Variants in SRRM2 observed in about 807,000 individuals in gnomAD.
SRRM2 encodes serine/arginine repetitive matrix 2.
Under a neutral mutation model 213.8 loss-of-function variants are expected in SRRM2, and 30 were observed. The ratio of observed to expected loss-of-function variants is 0.14; its 90% confidence interval spans 0.10 to 0.19. The LOEUF is 0.19. Ranked by LOEUF, SRRM2 falls within the 10% of genes least tolerant of loss-of-function variation. SRRM2 has a pLI of 1.00. For synonymous variants in SRRM2, 2,025 were observed against 1,377.7 expected, an observed-to-expected ratio of 1.47 and a Z score of -10.40; for missense variants, 4,904 against 3,647.0, an observed-to-expected ratio of 1.34 and a Z score of -8.88.
At position 2,760,429 on chromosome 16, in the gene SRRM2, C is replaced by G. The variant is rs1010269160; in HGVS notation, c.962C>G (p.Pro321Arg). ...SEPGTTSTQRPSSPETATKQP... is the reference protein window; with the variant it reads ...SEPGTTSTQRRSSPETATKQP... ...CCAGGTACTACCAGCACACAACGGC[C>G]TAGTAGCCCGGAGACTGCTACGAAA... The change falls in exon 10 of 15, where the codon CCT becomes CGT. Residue 321 changes from proline to arginine, a missense_variant. By Grantham distance (103) the Pro-to-Arg change is moderately radical. Transcript: ENST00000301740. 8 of 1,614,130 alleles carry G rather than the reference C, an allele frequency of 5.0e-6. No homozygotes were observed. The highest frequency in any genetic ancestry group is 6.8e-6 in the Non-Finnish European group (8 of 1,180,036).
chr16:2,763,376 A>C lies in SRRM2; in HGVS notation c.2848A>C (p.Ser950Arg). 6.2e-7 allele frequency: 1 copy of C among 1,614,228 alleles called. No individual in the cohort carries two copies. The highest frequency in any genetic ancestry group is 8.5e-7 in the Non-Finnish European group (1 of 1,180,040). The change falls in exon 11 of 15, where the codon AGC becomes CGC. Residue 950 changes from serine (S) to arginine (R), a missense_variant. Transcript: ENST00000301740. The part of the protein sequence containing the change: ...RVTSRTTPRR[S>R]RSVSPCSNVE... Reference sequence around the variant, plus strand: ...GACGTCGAGAACAACTCCACGGCGAAGCAGATCAGTATCTCCCTGCTCCAA... The same window carrying C: ...GACGTCGAGAACAACTCCACGGCGACGCAGATCAGTATCTCCCTGCTCCAA...
intron 1 of SRRM2, among the ~76,000 whole-genome samples, chr16:2,755,044 T>C (rs1365570271): frequency 6.6e-6 from 1 of 152,256 alleles, no homozygotes; most frequent in Non-Finnish European, 1.5e-5. Context: ...ACATCTTTGA[T>C]TACTCTCTCC....
chr16:2,753,498 G>A (rs1001454949), intron 1 of SRRM2: 7 of 152,220 alleles, frequency 4.6e-5, no homozygotes, highest in African/African-American at 1.7e-4. Flanking sequence ...TGAAGAAAGT[G>A]AACGTGTTCA....
In SRRM2 at chr16:2,761,928, C is replaced by T. The variant is rs144927974; in HGVS notation, c.1400C>T (p.Ala467Val). ...TCTAAGAATCGCTCACATGGCCGAG[C>T]AAAACGGGATAAATCACATTCTCAT... ...PTSKNRSHGR[A>V]KRDKSHSHTP... The change falls in exon 11 of 15, where the codon GCA becomes GTA. Residue 467 changes from alanine to valine, a missense_variant. Coordinates refer to ENST00000301740, the MANE Select transcript of SRRM2 (RefSeq NM_016333.4). The T allele has an allele frequency of 1.2e-6, 2 of 1,614,014 alleles. No individual in the cohort carries two copies. Among genetic ancestry groups the T allele is most frequent in the African/African-American group, 2.7e-5 (2 of 74,996 alleles).
Position 2,766,378 on chromosome 16 carries a change from T to C in SRRM2, c.5850T>C (p.Thr1950=), listed in dbSNP as rs1474527417. 1.2e-6 allele frequency: 2 copies of C among 1,612,608 alleles called. No individual in the cohort carries two copies. The highest frequency in any genetic ancestry group is 1.3e-5 in the African/African-American group (1 of 74,364). The part of the protein sequence containing the change: ...PTTRRRSRSR[T]PPVTRRRSRS... ...CACGCCGCCGCTCCCGTTCTAGAAC[T>C]CCACCAGTGACTCGCAGAAGGTCCA... Residue 1950 remains threonine (T), a synonymous_variant, in exon 11 of 15, where the codon ACT becomes ACC. Transcript: ENST00000301740. This position sits in a 1 kb window ranked among gnomAD's most constrained non-coding sequence, Gnocchi z 7.0.
rs1210848424 is a variant in SRRM2 at position 2,764,480 on chromosome 16, T to C, written c.3952T>C (p.Ser1318Pro). ...TTTTTCTCCAGAACATAAAGAACTG[T>C]CTAACTCCCCACTCAGGGAGAACAG... is the stretch of plus-strand genomic sequence containing the variant. ...PHFSPEHKEL[S>P]NSPLRENSFG... Residue 1318 changes from serine (S) to proline (P), a missense_variant, in exon 11 of 15, where the codon TCT becomes CCT. Transcript: ENST00000301740. The C allele has an allele frequency of 6.2e-7, 1 of 1,613,982 alleles. No individual in the cohort carries two copies. Among genetic ancestry groups the C allele is most frequent in the East Asian group, 2.2e-5 (1 of 44,900 alleles).
intron 3 of SRRM2, 92 bp downstream of exon 3, chr16:2,757,671 T>C: frequency 6.3e-7 from 1 of 1,579,252 alleles, no homozygotes; most frequent in Admixed American, 1.8e-5. Flanking sequence ...ACTTCCTCCC[T>C]GCTTTCGTCT....
Position 2,767,166 on chromosome 16 carries a change from C to T in SRRM2, c.6638C>T (p.Ala2213Val). The T allele has an allele frequency of 5.6e-6, 9 of 1,614,208 alleles. No individual in the cohort carries two copies. The highest frequency in any genetic ancestry group is 6.8e-6 in the Non-Finnish European group (8 of 1,180,046). ...GCTGCAAGAATGTCCCAGGTTCCAG[C>T]CCCGGTGCCTCTCATGAGTCTCAGA... is the stretch of plus-strand genomic sequence containing the variant. ...GLAARMSQVP[A>V]PVPLMSLRTA... Residue 2213 changes from alanine (A) to valine (V), a missense_variant, in exon 11 of 15, where the codon GCC (alanine) becomes GTC (valine). Ala to Val is a moderately conservative substitution (Grantham distance 64, BLOSUM62 0). Coordinates refer to ENST00000301740, the MANE Select transcript of SRRM2 (RefSeq NM_016333.4).
In SRRM2 at chr16:2,762,584, C is replaced by G. The variant is rs142588298; in HGVS notation, c.2056C>G (p.Pro686Ala). Residue 686 changes from proline to alanine, a missense_variant, in exon 11 of 15, where the codon CCA becomes GCA. By Grantham distance (27) the Pro-to-Ala change is conservative. Transcript: ENST00000301740. Reference protein sequence around the residue: ...RRSGRSRSRTPARRGRSRSRT... With the variant: ...RRSGRSRSRTAARRGRSRSRT... ...CAGTGGTCGCTCACGCTCCAGAACA[C>G]CAGCCAGGAGAGGGAGGTCTCGGTC... The G allele has an allele frequency of 1.9e-6, 3 of 1,613,962 alleles. No individual in the cohort carries two copies. The highest frequency in any genetic ancestry group is 1.7e-5 in the Admixed American group (1 of 60,004).
At chr16:2,753,151 C>T (rs2067998724) in intron 1 of SRRM2, among the ~76,000 whole-genome samples, 1 of 151,876 alleles carries the variant, frequency 6.6e-6, no homozygotes, top group South Asian at 2.1e-4. Context: ...CTCCCCCCAA[C>T]ATGTGCCGCC....
chr16:2,762,000 A>G lies in SRRM2; in HGVS notation c.1472A>G (p.Lys491Arg). The G allele has an allele frequency of 6.2e-7, 1 of 1,614,138 alleles. No homozygotes were observed. Among genetic ancestry groups the G allele is most frequent in the Non-Finnish European group, 8.5e-7 (1 of 1,180,026 alleles). ...MGRSRSPATA[K>R]RGRSRSRTPT... ...AGGTCCCGTAGCCCTGCCACCGCTAAGAGAGGGCGATCTCGGTCTCGAACC... is the reference window on the plus strand; with the variant it reads ...AGGTCCCGTAGCCCTGCCACCGCTAGGAGAGGGCGATCTCGGTCTCGAACC... The change falls in exon 11 of 15, where the codon AAG becomes AGG. Residue 491 changes from lysine to arginine, a missense_variant. Physicochemically the swap from Lys to Arg is conservative, Grantham distance 26. Coordinates refer to ENST00000301740, the MANE Select transcript of SRRM2 (RefSeq NM_016333.4).
chr16:2,756,359 G>A lies in SRRM2; in HGVS notation c.-6G>A, dbSNP rs761538451. ...GAGCGGTGGTGCCCCCCCCGGGCAC[G>A]GGGCCATGTACAACGGGATCGGGCT... is the stretch of plus-strand genomic sequence containing the variant. On this transcript the variant is annotated 5_prime_UTR_variant, in exon 2 of 15. Coordinates refer to ENST00000301740, the MANE Select transcript of SRRM2 (RefSeq NM_016333.4). 5 of 1,596,194 alleles carry A rather than the reference G, an allele frequency of 3.1e-6. No individual in the cohort carries two copies. The highest frequency in any genetic ancestry group is 1.7e-5 in the Admixed American group (1 of 58,508).
chr16:2,764,790 C>G lies in SRRM2; in HGVS notation c.4262C>G (p.Ser1421Cys), dbSNP rs1229056380. ...ACACCCTCGAGAGAAAGAAGTAGTT[C>G]TGCATCTTCTCCTGAAATGAAAGAT... ...PRTPSRERSS[S>C]ASSPEMKDGL... Residue 1421 changes from serine to cysteine, a missense_variant, in exon 11 of 15, where the codon TCT becomes TGT. Ser to Cys is a moderately radical substitution (Grantham distance 112). Transcript: ENST00000301740. 1.9e-6 allele frequency: 3 copies of G among 1,614,184 alleles called. No homozygotes were observed. The highest frequency in any genetic ancestry group is 2.5e-6 in the Non-Finnish European group (3 of 1,180,032).
In SRRM2 at chr16:2,767,341, C is replaced by T. The variant is rs1457171194; in HGVS notation, c.6813C>T (p.Ala2271=). Residue 2271 remains alanine, a synonymous_variant, in exon 11 of 15, where the codon GCC becomes GCT. Coordinates refer to ENST00000301740, the MANE Select transcript of SRRM2 (RefSeq NM_016333.4). Reference sequence around the variant, plus strand: ...CTGCAGCAGCGGCCATGAACTTGGCCAGCCCCAGAACAGCGGTGGCACCTT... The same window carrying T: ...CTGCAGCAGCGGCCATGAACTTGGCTAGCCCCAGAACAGCGGTGGCACCTT... ...TPAAAAAMNL[A]SPRTAVAPSA... is the part of the protein sequence containing the mutation. The T allele has an allele frequency of 6.2e-7, 1 of 1,613,788 alleles. No individual in the cohort carries two copies. Among genetic ancestry groups the T allele is most frequent in the African/African-American group, 1.3e-5 (1 of 74,934 alleles).
Position 2,769,117 on chromosome 16 carries a change from TTCCTCCTCCTCCTCC to T in SRRM2, c.7863_7877del (p.Ser2644_Ser2648del), listed in dbSNP as rs531076704. 2.5e-6 allele frequency: 4 copies of T among 1,611,566 alleles called. No individual in the cohort carries two copies. The highest frequency in any genetic ancestry group is 3.4e-6 in the Non-Finnish European group (4 of 1,178,210). On this transcript the variant is annotated inframe_deletion, in exon 12 of 15. Coordinates refer to ENST00000301740, the MANE Select transcript of SRRM2 (RefSeq NM_016333.4). ...CCAGTTCCAGCTCCTCCTCTTCATC[TTCCTCCTCCTCCTCC>T]TCCTCCTCTTCTTCCTCCTCCTCTT...
chr16:2,760,146 T>TG, intron 9 of SRRM2, 155 bp from the exon 10 acceptor site: 1 of 716,634 alleles, frequency 1.4e-6, no homozygotes, highest in Non-Finnish European at 2.3e-6. Context: ...GGACTGTACT[T>TG]GCATTTCAGT....
chr16:2,766,101 C>T lies in SRRM2; in HGVS notation c.5573C>T (p.Pro1858Leu). 1 of 1,614,196 alleles carries T rather than the reference C, an allele frequency of 6.2e-7. No individual in the cohort carries two copies. The highest frequency in any genetic ancestry group is 8.5e-7 in the Non-Finnish European group (1 of 1,180,042). Residue 1858 changes from proline to leucine, a missense_variant, in exon 11 of 15, where the codon CCA becomes CTA. Transcript: ENST00000301740. The surrounding 1 kb of genome is among the most constrained non-coding windows in gnomAD (Gnocchi z 7.0). The stretch of plus-strand genomic sequence containing the variant: ...AAGCGTTCTCGCTCACGCACATCAC[C>T]AGCCCCGTGGAAACGCTCTAGATCT... ...SRKRSRSRTS[P>L]APWKRSRSRA...
chr16:2,762,321 C>T lies in SRRM2; in HGVS notation c.1793C>T (p.Thr598Ile). Reference protein sequence around the residue: ...TPARRRSRSRTPTRRRSRSRT... With the variant: ...TPARRRSRSRIPTRRRSRSRT... Reference sequence around the variant, plus strand: ...GCCAGGCGGAGATCACGATCCAGAACTCCCACCAGGCGTAGGTCTCGGTCT... The same window carrying T: ...GCCAGGCGGAGATCACGATCCAGAATTCCCACCAGGCGTAGGTCTCGGTCT... The change falls in exon 11 of 15, where the codon ACT becomes ATT. Residue 598 changes from threonine (T) to isoleucine (I), a missense_variant. Thr to Ile is a moderately conservative substitution (Grantham distance 89). Transcript: ENST00000301740. 1 of 1,614,172 alleles carries T rather than the reference C, an allele frequency of 6.2e-7. No homozygotes were observed. The highest frequency in any genetic ancestry group is 1.6e-4 in the Middle Eastern group (1 of 6,062).
At chr16:2,754,374 C>T (rs547739788) in intron 1 of SRRM2, among the ~76,000 whole-genome samples, 10 of 151,912 alleles carry the variant, frequency 6.6e-5, no homozygotes, top group Non-Finnish European at 1.3e-4. Flanking sequence ...CTCACTGCAA[C>T]CTTCCGCCTC....
Sources: gnomAD v4.1 joint callset for allele counts (sites outside exome capture counted in the v4.1 genomes callset) on GRCh38, gnomAD v4.1.1 for gene constraint, Gnocchi (gnomAD v3.1) non-coding constraint, MANE v1.5 for transcripts, NCBI Gene and HGNC (gene_info 2026-07-23, HGNC 2026-07-21) for gene names.